The following TET3 variants were observed in gnomAD, a reference collection of about 807,000 sequenced individuals.
The protein encoded by TET3 is methylcytosine dioxygenase TET3.
TET3 carries 19 observed loss-of-function variants against 141.4 expected under a neutral mutation model. That is an observed-to-expected ratio of 0.13 (90% CI 0.09 to 0.20). The LOEUF is 0.20. TET3 is among the 10% of genes least tolerant of loss of function. TET3 has a pLI of 1.00. For missense variants in TET3, 1,874 were observed against 2,356.9 expected (o/e 0.80, Z 4.24); for synonymous variants, 1,043 against 980.9 (o/e 1.06, Z -1.18).
Position 74,093,729 on chromosome 2 carries a change from T to A in TET3, c.3267+63T>A. 1 of 1,467,526 alleles carries A rather than the reference T, an allele frequency of 6.8e-7. No homozygotes were observed. Among genetic ancestry groups the A allele is most frequent in the Non-Finnish European group, 9.1e-7 (1 of 1,100,298 alleles). The allele number at this position is 1,467,526 out of a possible 1,614,324, so 90.9% of individuals were successfully genotyped here. On this transcript the variant is annotated intron_variant, in intron 10 of 11. Transcript: ENST00000409262. The surrounding 1 kb of genome is among the most constrained non-coding windows in gnomAD (Gnocchi z 4.2). The stretch of plus-strand genomic sequence containing the variant: ...AACTGTGGGAGGGAGTCCACCGTGG[T>A]CTTTTCAGAAAGGCAGGCTGAGGGT...
At chr2:74,077,874 G>A (rs1233304248) in intron 5 of TET3, among the ~76,000 whole-genome samples, 1 of 152,214 alleles carries the variant, frequency 6.6e-6, no homozygotes, top group African/African-American at 2.4e-5. Flanking sequence ...ACACACCAGG[G>A]GCCCAGGCCC....
Position 74,093,008 on chromosome 2 carries a change from C to A in TET3, c.3129+17C>A. The A allele has an allele frequency of 6.4e-7, 1 of 1,555,062 alleles. No homozygotes were observed. Among genetic ancestry groups the A allele is most frequent in the Non-Finnish European group, 8.7e-7 (1 of 1,148,424 alleles). ...CAGAACCAGGTAACGGGCCCTGGGC[C>A]TTTTGCTGCCCACATGTCACCGTCC... On this transcript the variant is annotated intron_variant, in intron 9 of 11. Coordinates refer to ENST00000409262, the MANE Select transcript of TET3 (RefSeq NM_001287491.2). This position sits in a 1 kb window ranked among gnomAD's most constrained non-coding sequence, Gnocchi z 4.2.
rs1333558899 is a variant in TET3 at position 74,101,083 on chromosome 2, G to T, written c.4295G>T (p.Ser1432Ile). The change falls in exon 12 of 12, where the codon AGT becomes ATT. Residue 1432 changes from serine to isoleucine, a missense_variant. By Grantham distance (142) the Ser-to-Ile change is moderately radical (BLOSUM62 -2). Transcript: ENST00000409262. The surrounding 1 kb of genome is among the most constrained non-coding windows in gnomAD (Gnocchi z 8.5). The stretch of plus-strand genomic sequence containing the variant: ...GAGGTGTCTCAGAATGGAGGACCCA[G>T]TCACCTTTGGGGACAGTACTCAGGA... The part of the protein sequence containing the change: ...LSEVSQNGGP[S>I]HLWGQYSGGP... The T allele has an allele frequency of 6.2e-7, 1 of 1,612,634 alleles. No individual in the cohort carries two copies. Among genetic ancestry groups the T allele is most frequent in the Non-Finnish European group, 8.5e-7 (1 of 1,179,346 alleles).
At position 74,102,100 on chromosome 2, in the gene TET3, T is replaced by C. The variant is rs751846434; in HGVS notation, c.5312T>C (p.Val1771Ala). Residue 1771 changes from valine (V) to alanine (A), a missense_variant, in exon 12 of 12, where the codon GTG becomes GCG. By Grantham distance (64) the Val-to-Ala change is moderately conservative. Transcript: ENST00000409262. ...GTCCCCACCCGGCAGGCACTGGCTG[T>C]GCCCACAGACTCGGCGGTCACCGTG... ...GVVPTRQALA[V>A]PTDSAVTVSS... is the part of the protein sequence containing the mutation. 11 of 1,500,876 alleles carry C rather than the reference T, an allele frequency of 7.3e-6. No homozygotes were observed. In the Admixed American group the frequency reaches 2.4e-4, roughly 33 times the overall value. 93.0% of individuals were successfully genotyped at this position (1,500,876 alleles called of 1,614,324 possible). A position where few individuals can be genotyped will look rare whatever the true frequency, so the allele number is the denominator to read the frequency against.
chr2:74,009,064 CCT>C (rs148665819), intron 3 of TET3, among the ~76,000 whole-genome samples: 133 of 152,318 alleles, frequency 8.7e-4, no homozygotes, highest in Middle Eastern at 6.8e-3. Context: ...TCCTTTGCCT[CCT>C]CTGCAGCATC....
intron 2 of TET3, among the ~76,000 whole-genome samples, chr2:73,995,152 G>C (rs1407857017): frequency 6.6e-6 from 1 of 152,092 alleles, no homozygotes; most frequent in Admixed American, 6.5e-5. Flanking sequence ...TAGAGACGGG[G>C]TTTTACCATG....
chr2:74,048,179 C>T lies in TET3; in HGVS notation c.2262C>T (p.Pro754=), dbSNP rs750165639. 6 of 1,612,526 alleles carry T rather than the reference C, an allele frequency of 3.7e-6. No individual in the cohort carries two copies. Among genetic ancestry groups the T allele is most frequent in the South Asian group, 1.1e-5 (1 of 90,874 alleles). Residue 754 remains proline (P), a synonymous_variant, in exon 4 of 12, where the codon CCC becomes CCT. Transcript: ENST00000409262. The part of the protein sequence containing the change: ...APESPFATRS[P]KQIKIESSGA... Reference sequence around the variant, plus strand: ...AGAGCCCCTTTGCTACCCGTTCCCCCAAGCAAATCAAGATTGAGTCTTCGG... The same window carrying T: ...AGAGCCCCTTTGCTACCCGTTCCCCTAAGCAAATCAAGATTGAGTCTTCGG...
chr2:74,103,648 G>A lies in TET3; in HGVS notation c.*1472G>A, dbSNP rs955982634. The A allele has an allele frequency of 6.5e-6, 1 of 152,774 alleles. No homozygotes were observed. The highest frequency in any genetic ancestry group is 2.1e-4 in the South Asian group (1 of 4,828). 9.5% of individuals were successfully genotyped at this position (152,774 alleles called of 1,614,324 possible). On this transcript the variant is annotated 3_prime_UTR_variant, in exon 12 of 12. Transcript: ENST00000409262. ...ATTCGGTTCTTTGAAATGAGAATGT[G>A]GTGCTTAATTTTTGTGACGTTGTCG...
In TET3 at chr2:74,102,675, G is replaced by C. The variant is rs1477022196; in HGVS notation, c.*499G>C. 6.6e-6 allele frequency: 1 copy of C among 152,150 alleles called. No homozygotes were observed. 9.4% of individuals were successfully genotyped at this position (152,150 alleles called of 1,614,324 possible). ...AGTGCTCCCCCGCCCAGTCTCGCTG[G>C]GTCTGGCGAGCCAAGCCCCTCGGGC... On this transcript the variant is annotated 3_prime_UTR_variant, in exon 12 of 12. Coordinates refer to ENST00000409262, the MANE Select transcript of TET3 (RefSeq NM_001287491.2).
chr2:74,098,681 A>T (rs778392069), intron 10 of TET3, among the ~76,000 whole-genome samples: 1 of 150,092 alleles, frequency 6.7e-6, no homozygotes, highest in Non-Finnish European at 1.5e-5. Context: ...TGCAACCTCC[A>T]TCTCTGGGTT....
chr2:74,023,329 A>G (rs1433268610), intron 3 of TET3, among the ~76,000 whole-genome samples: 2 of 151,920 alleles, frequency 1.3e-5, no homozygotes, highest in African/African-American at 4.8e-5. Context: ...TGCAGCCTCC[A>G]CCTCCTGGGC....
chr2:73,986,263 C>A lies in TET3; in HGVS notation c.-141C>A. The A allele has an allele frequency of 1.5e-6, 1 of 679,196 alleles. No homozygotes were observed. The highest frequency in any genetic ancestry group is 2.1e-6 in the Non-Finnish European group (1 of 483,792). The allele number at this position is 679,196 out of a possible 1,614,324, so 42.1% of individuals were successfully genotyped here. A position where few individuals can be genotyped will look rare whatever the true frequency, so the allele number is the denominator to read the frequency against. On this transcript the variant is annotated 5_prime_UTR_variant, in exon 2 of 12. Transcript: ENST00000409262. Reference sequence around the variant, plus strand: ...GAGGGGTTGAGAAGAGGCATCCATCCACGAGACTGAAGCCACTTGCCTTCA... The same window carrying A: ...GAGGGGTTGAGAAGAGGCATCCATCAACGAGACTGAAGCCACTTGCCTTCA...
At chr2:74,012,997 GT>G (rs369187164) in intron 3 of TET3, among the ~76,000 whole-genome samples, 15,817 of 134,940 alleles carry the variant, frequency 0.12, 1,257 homozygotes, top group African/African-American at 0.26. Context: ...GTAATGGGGT[GT>G]TTTTTTTTTT....
intron 2 of TET3, among the ~76,000 whole-genome samples, chr2:73,994,714 C>G (rs1362989242): frequency 3.4e-5 from 5 of 148,062 alleles, no homozygotes; most frequent in Non-Finnish European, 7.4e-5. Context: ...TCTCGGCTCA[C>G]TCACCCTCTG....
At position 73,986,304 on chromosome 2, in the gene TET3, G is replaced by C. The variant is rs1345222446; in HGVS notation, c.-100G>C. 23 of 1,109,612 alleles carry C rather than the reference G, an allele frequency of 2.1e-5. No homozygotes were observed. Among genetic ancestry groups the C allele is most frequent in the Non-Finnish European group, 2.6e-5 (23 of 877,260 alleles). 68.7% of individuals were successfully genotyped at this position (1,109,612 alleles called of 1,614,324 possible). A position where few individuals can be genotyped will look rare whatever the true frequency, so the allele number is the denominator to read the frequency against. On this transcript the variant is annotated 5_prime_UTR_variant, in exon 2 of 12. Coordinates refer to ENST00000409262, the MANE Select transcript of TET3 (RefSeq NM_001287491.2). ...CTTGCCTTCACCCTTGTAGACTCTT[G>C]ACTGTTCTAGGCGAGAAGGACCTGT...
chr2:74,061,576 C>A (rs1273713418), intron 4 of TET3, among the ~76,000 whole-genome samples: 1 of 133,698 alleles, frequency 7.5e-6, no homozygotes. Context: ...CCGGACGGGG[C>A]GGCTGGCCGG....
At chr2:74,111,634 G>T (rs899207949), downstream of TET3, among the ~76,000 whole-genome samples, 4 of 152,186 alleles carry the variant, frequency 2.6e-5, no homozygotes, top group Non-Finnish European at 5.9e-5. Flanking sequence ...TGTTGGACAA[G>T]GACCACAGTA....
chr2:74,063,706 G>A (rs1688723576), intron 4 of TET3, among the ~76,000 whole-genome samples: 1 of 152,090 alleles, frequency 6.6e-6, no homozygotes, highest in Non-Finnish European at 1.5e-5. Flanking sequence ...AGATGCGTAA[G>A]TTCTAGAGAT....
intron 10 of TET3, among the ~76,000 whole-genome samples, chr2:74,095,121 G>A (rs1427705860): frequency 6.6e-6 from 1 of 152,166 alleles, no homozygotes; most frequent in African/African-American, 2.4e-5. Flanking sequence ...GACGAGACAA[G>A]GGCACCAGCA....
Sources: allele counts gnomAD v4.1 joint callset (sites outside exome capture counted in the v4.1 genomes callset), GRCh38; gene constraint gnomAD v4.1.1; non-coding constraint Gnocchi (gnomAD v3.1); transcripts MANE v1.5; gene names NCBI Gene and HGNC (gene_info 2026-07-23, HGNC 2026-07-21).